Variants in INSL6 observed in about 807,000 individuals in gnomAD.
The protein encoded by INSL6 is insulin like 6.
In INSL6, 16 loss-of-function variants were observed where a neutral mutation model predicts 9.4. That is an observed-to-expected ratio of 1.70 (90% confidence interval 1.15 to 2.59). The LOEUF is 2.59. INSL6 is among the 30% of genes most tolerant of loss of function. The probability of loss-of-function intolerance (pLI) is 0.00; values close to 1 mark genes in which losing one functional copy is unlikely to be tolerated. For synonymous variants in INSL6, 154 were observed against 96.9 expected (o/e 1.59, Z -3.46); for missense variants, 391 against 257.3 (o/e 1.52, Z -3.56).
the INSL6 span, among the ~76,000 whole-genome samples, chr9:5,055,963 A>G: frequency 2.6e-5 from 4 of 152,062 alleles, no homozygotes; most frequent in Admixed American, 2.0e-4. Context: ...TTGTATTACT[A>G]TCAACACCAT....
chr9:5,080,652 C>G, the INSL6 span: 1 of 1,597,896 alleles, frequency 6.3e-7, no homozygotes, highest in Non-Finnish European at 8.5e-7. Context: ...TCAGAGCCAT[C>G]ATACGAGATC....
At chr9:5,057,912 C>G in the INSL6 span, among the ~76,000 whole-genome samples, 8 of 152,068 alleles carry the variant, frequency 5.3e-5, no homozygotes, top group Non-Finnish European at 1.2e-4. Flanking sequence ...AATTTGACTA[C>G]TCTAGATACC....
the INSL6 span, among the ~76,000 whole-genome samples, chr9:5,050,107 C>G: frequency 5.6e-4 from 85 of 152,144 alleles, no homozygotes; most frequent in African/African-American, 1.9e-3. Flanking sequence ...TCAGTAATAT[C>G]TACTTTAATT....
chr9:5,100,121 C>T, the INSL6 span: 1 of 152,218 alleles, frequency 6.6e-6, no homozygotes, highest in Admixed American at 6.5e-5. Context: ...TTTCCCACAG[C>T]TTCAGTTGCT....
chr9:5,070,257 T>C, the INSL6 span, among the ~76,000 whole-genome samples: 1 of 152,202 alleles, frequency 6.6e-6, no homozygotes, highest in Non-Finnish European at 1.5e-5. Flanking sequence ...AATGGAATCT[T>C]AATTTTCTTT....
intron 3 of INSL6, chr9:5,126,572 T>C (rs775653372): frequency 2.1e-6 from 2 of 935,732 alleles, no homozygotes; most frequent in Non-Finnish European, 3.3e-6. Context: ...CAGATGACTG[T>C]GGAACAAGGC....
At chr9:5,093,868 T>A in the INSL6 span, among the ~76,000 whole-genome samples, 3 of 152,166 alleles carry the variant, frequency 2.0e-5, no homozygotes, top group Non-Finnish European at 4.4e-5. Flanking sequence ...TGATCTGATT[T>A]CAGACCAGAG....
chr9:5,142,413 T>G (rs963824972), intron 2 of INSL6, among the ~76,000 whole-genome samples: 1 of 152,184 alleles, frequency 6.6e-6, no homozygotes, highest in African/African-American at 2.4e-5. Context: ...TAGTTCTCCT[T>G]ACAGAGATCT....
intron 3 of INSL6, chr9:5,126,820 G>T: frequency 7.2e-7 from 1 of 1,394,808 alleles, no homozygotes; most frequent in South Asian, 1.2e-5. Context: ...TGAGACCAAA[G>T]TAGATTTACA....
At chr9:5,125,737 T>C (rs1823944309) in intron 3 of INSL6, among the ~76,000 whole-genome samples, 1 of 151,578 alleles carries the variant, frequency 6.6e-6, no homozygotes, top group Non-Finnish European at 1.5e-5. Flanking sequence ...CTTTTCTTAA[T>C]GTGGTTGACT....
chr9:5,136,360 G>A (rs1358363779), intron 2 of INSL6, among the ~76,000 whole-genome samples: 8 of 152,070 alleles, frequency 5.3e-5, no homozygotes, highest in Admixed American at 6.6e-5. Flanking sequence ...ACACTGATGC[G>A]AAAATCCTCA....
chr9:5,115,039 CA>C, the INSL6 span, among the ~76,000 whole-genome samples: 2 of 152,144 alleles, frequency 1.3e-5, no homozygotes, highest in African/African-American at 4.8e-5. Flanking sequence ...ACACCAAAAG[CA>C]ATGGCAACAA....
chr9:5,077,190 G>C, the INSL6 span, among the ~76,000 whole-genome samples: 1 of 150,402 alleles, frequency 6.6e-6, no homozygotes, highest in African/African-American at 2.4e-5. Context: ...ATATATAAAG[G>C]TGTGCTGGTA....
At chr9:5,135,414 T>C (rs1824371996) in intron 2 of INSL6, among the ~76,000 whole-genome samples, 1 of 152,072 alleles carries the variant, frequency 6.6e-6, no homozygotes. Context: ...ACAGAAATCA[T>C]AACAGTCTCT....
chr9:5,036,907 C>A, the INSL6 span, among the ~76,000 whole-genome samples: 23 of 152,246 alleles, frequency 1.5e-4, no homozygotes, highest in East Asian at 4.4e-3. Flanking sequence ...AAAGAAACTA[C>A]CATCAGAGTG....
chr9:5,128,747 C>T (rs570567168), intron 3 of INSL6, among the ~76,000 whole-genome samples: 1 of 151,950 alleles, frequency 6.6e-6, no homozygotes, highest in East Asian at 1.9e-4. Context: ...GTAAAGTTTT[C>T]CATTTTGATT....
chr9:5,020,403 G>A, the INSL6 span, among the ~76,000 whole-genome samples: 1 of 152,176 alleles, frequency 6.6e-6, no homozygotes, highest in Non-Finnish European at 1.5e-5. Context: ...GTATCCTCAG[G>A]CCCTCCAGTG....
the INSL6 span, among the ~76,000 whole-genome samples, chr9:5,075,970 C>T: frequency 1.3e-5 from 2 of 152,096 alleles, no homozygotes; most frequent in African/African-American, 4.8e-5. Flanking sequence ...CATTCTAACC[C>T]TCCTGGATGA....
chr9:5,066,774 GA>G, the INSL6 span: 2 of 1,547,694 alleles, frequency 1.3e-6, no homozygotes, highest in South Asian at 2.4e-5. Flanking sequence ...AATATTTTTT[GA>G]CTTTTGCTGT....
Sources: allele counts gnomAD v4.1 joint callset (sites outside exome capture counted in the v4.1 genomes callset), GRCh38; gene constraint gnomAD v4.1.1; transcripts MANE v1.5; gene names NCBI Gene and HGNC (gene_info 2026-07-23, HGNC 2026-07-21).